Variants in GSTM5 observed in about 807,000 individuals in gnomAD.
The protein encoded by GSTM5 is glutathione S-transferase mu 5, also known as GST class-mu 5.
In GSTM5, 24 loss-of-function variants were observed where a neutral mutation model predicts 29.0. The ratio of observed to expected loss-of-function variants is 0.83; its 90% confidence interval spans 0.60 to 1.16. The LOEUF is 1.16. GSTM5 is among the 50% of genes most tolerant of loss of function. The probability of loss-of-function intolerance (pLI) is 0.00; values close to 1 mark genes in which losing one functional copy is unlikely to be tolerated. For missense variants in GSTM5, 290 were observed against 263.0 expected, an observed-to-expected ratio of 1.10 and a Z score of -0.71; for synonymous variants, 91 against 93.6, an observed-to-expected ratio of 0.97 and a Z score of 0.16.
upstream of GSTM5, among the ~76,000 whole-genome samples, chr1:109,712,073 T>C (rs1038514198): frequency 2.0e-5 from 3 of 152,144 alleles, no homozygotes; most frequent in African/African-American, 4.8e-5. Flanking sequence ...CGAGCCCCGC[T>C]TTGGGCTTCT....
chr1:109,716,215 T>A, intron 7 of GSTM5: 1 of 227,196 alleles, frequency 4.4e-6, no homozygotes. Context: ...TTTGGGGATT[T>A]GAGGCATTAG....
At chr1:109,712,773 GCCTCTGCAGGCCTC>G in intron 2 of GSTM5, 80 bp downstream of exon 2, 1 of 1,435,870 alleles carries the variant, frequency 7.0e-7, no homozygotes, top group East Asian at 2.3e-5. Flanking sequence ...ACCTGTGGCT[GCCTCTGCAGGCCTC>G]CCCTGCTGGA....
At chr1:109,712,497 G>C in intron 1 of GSTM5, 121 bp from the exon 2 acceptor site, 1 of 1,327,306 alleles carries the variant, frequency 7.5e-7, no homozygotes, top group Non-Finnish European at 1.1e-6. Context: ...TTTGGGGGTG[G>C]GGGCGGGTAG....
chr1:109,713,385 T>C lies in GSTM5; in HGVS notation c.178-99T>C, dbSNP rs112347797. 9.8e-5 allele frequency: 148 copies of C among 1,513,608 alleles called. No homozygotes were observed. In the African/African-American group the frequency reaches 1.8e-3, roughly 18 times the overall value. 93.8% of individuals were successfully genotyped at this position (1,513,608 alleles called of 1,614,324 possible). On this transcript the variant is annotated intron_variant, in intron 3 of 7. Coordinates refer to ENST00000256593, the MANE Select transcript of GSTM5 (RefSeq NM_000851.4). ...CAGTATTTCTATCTCAGGCCTGCCA[T>C]GAGCAGGCCCTGGTCTCCTCTCTGC...
Position 109,712,743 on chromosome 1 carries a change from C to T in GSTM5, c.112+50C>T, listed in dbSNP as rs780458889. 2.5e-6 allele frequency: 4 copies of T among 1,598,634 alleles called. No homozygotes were observed. In the South Asian group the frequency reaches 4.4e-5, roughly 18 times the overall value. ...CCTGCCCACTCACGCTGAGTTGGCACCAAGCAACCCATGGTGGCCACCTGT... is the reference window on the plus strand; with the variant it reads ...CCTGCCCACTCACGCTGAGTTGGCATCAAGCAACCCATGGTGGCCACCTGT... On this transcript the variant is annotated intron_variant, in intron 2 of 7. Transcript: ENST00000256593.
At chr1:109,714,880 C>T in intron 5 of GSTM5, 67 bp from the exon 6 acceptor site, 1 of 1,521,984 alleles carries the variant, frequency 6.6e-7, no homozygotes, top group East Asian at 2.2e-5. Context: ...CATCTACAGC[C>T]CTGGGGAGGC....
Position 109,717,419 on chromosome 1 carries a change from G to C in GSTM5, c.650G>C (p.Ser217Thr). ...LLFGKSATWN[S>T]K ...TTTGGAAAGTCAGCTACATGGAACA[G>C]CAAATAGGGCCCAGTGATGCCAGAA... Residue 217 changes from serine to threonine, a missense_variant, in exon 8 of 8, where the codon AGC becomes ACC. Transcript: ENST00000256593. The C allele has an allele frequency of 6.2e-7, 1 of 1,612,276 alleles. No individual in the cohort carries two copies. The highest frequency in any genetic ancestry group is 8.5e-7 in the Non-Finnish European group (1 of 1,178,370).
chr1:109,715,355 T>G, intron 7 of GSTM5, 115 bp downstream of exon 7: 1 of 1,603,652 alleles, frequency 6.2e-7, no homozygotes, highest in African/African-American at 1.3e-5. Flanking sequence ...GAGTACGGGC[T>G]TCATGCCAGG....
chr1:109,717,459 G>C lies in GSTM5; in HGVS notation c.*33G>C. ...TGATGCCAGAAGATGGGAGGGAGGA[G>C]CCAACCTTGCTGCCTGCGACCCTGG... On this transcript the variant is annotated 3_prime_UTR_variant, in exon 8 of 8. Transcript: ENST00000256593. The C allele has an allele frequency of 5.9e-4, 846 of 1,428,364 alleles. No homozygotes were observed. Among genetic ancestry groups the C allele is most frequent in the Non-Finnish European group, 7.7e-4 (776 of 1,010,696 alleles). 88.5% of individuals were successfully genotyped at this position (1,428,364 alleles called of 1,614,324 possible).
Position 109,712,305 on chromosome 1 carries a change from C to T in GSTM5, c.-8C>T, listed in dbSNP as rs773329136. 5 of 1,614,004 alleles carry T rather than the reference C, an allele frequency of 3.1e-6. No individual in the cohort carries two copies. The South Asian group carries it at 4.4e-5, about 14-fold the overall frequency. Reference sequence around the variant, plus strand: ...TGCCTGTCTGCAGAATCCGCACCAACCAGCACCATGCCCATGACTCTGGGG... The same window carrying T: ...TGCCTGTCTGCAGAATCCGCACCAATCAGCACCATGCCCATGACTCTGGGG... On this transcript the variant is annotated 5_prime_UTR_variant, in exon 1 of 8. Coordinates refer to ENST00000256593, the MANE Select transcript of GSTM5 (RefSeq NM_000851.4).
intron 1 of GSTM5, 111 bp downstream of exon 1, chr1:109,712,459 A>C: frequency 1.1e-6 from 1 of 887,862 alleles, no homozygotes. Flanking sequence ...CCGCCTCAGA[A>C]GGGCCTGTGC....
At position 109,714,997 on chromosome 1, in the gene GSTM5, C is replaced by T. The variant is rs752173949; in HGVS notation, c.411C>T (p.Leu137=). Residue 137 remains leucine (L), a synonymous_variant, in exon 6 of 8, where the codon CTC becomes CTT. Transcript: ENST00000256593. Reference sequence around the variant, plus strand: ...AGGAACTCCCTGAAAAGCTAAAGCTCTACTCAGAGTTTCTGGGGAAGCGGC... The same window carrying T: ...AGGAACTCCCTGAAAAGCTAAAGCTTTACTCAGAGTTTCTGGGGAAGCGGC... ...YLEELPEKLK[L]YSEFLGKRPW... 5.0e-6 allele frequency: 8 copies of T among 1,614,256 alleles called. No individual in the cohort carries two copies. Among genetic ancestry groups the T allele is most frequent in the Non-Finnish European group, 6.8e-6 (8 of 1,180,058 alleles).
chr1:109,713,600 G>A (rs779480058), intron 4 of GSTM5, 35 bp downstream of exon 4: 2 of 1,614,218 alleles, frequency 1.2e-6, no homozygotes, highest in Non-Finnish European at 8.5e-7. Flanking sequence ...CGGGGGGAAG[G>A]TGACCTCCTC....
Position 109,717,862 on chromosome 1 carries a change from CT to C in GSTM5, c.*437del, listed in dbSNP as rs1412944517. 1.2e-5 allele frequency: 2 copies of C among 164,564 alleles called. No homozygotes were observed. Among genetic ancestry groups the C allele is most frequent in the African/African-American group, 4.8e-5 (2 of 41,666 alleles). The allele number at this position is 164,564 out of a possible 1,614,324, so 10.2% of individuals were successfully genotyped here. A position where few individuals can be genotyped will look rare whatever the true frequency, so the allele number is the denominator to read the frequency against. On this transcript the variant is annotated 3_prime_UTR_variant, in exon 8 of 8. Coordinates refer to ENST00000256593, the MANE Select transcript of GSTM5 (RefSeq NM_000851.4). The stretch of plus-strand genomic sequence containing the variant: ...TGCCTGCCATGTCTTGTCTTATTCC[CT>C]GAGGCTCCCTTGACTCAGGACTGTG...
rs1329652510 is a variant in GSTM5 at position 109,718,241 on chromosome 1, C to A, written c.*815C>A. ...AGATATCCTTCGTCATGACACTTCT[C>A]AATAAAACGTATCCCACCGTATTGT... On this transcript the variant is annotated 3_prime_UTR_variant, in exon 8 of 8. Coordinates refer to ENST00000256593, the MANE Select transcript of GSTM5 (RefSeq NM_000851.4). 1 of 152,162 alleles carries A rather than the reference C, an allele frequency of 6.6e-6. No individual in the cohort carries two copies. The highest frequency in any genetic ancestry group is 2.4e-5 in the African/African-American group (1 of 41,426). 9.4% of individuals were successfully genotyped at this position (152,162 alleles called of 1,614,324 possible).
chr1:109,715,295 C>T, intron 7 of GSTM5, 55 bp downstream of exon 7: 1 of 1,614,066 alleles, frequency 6.2e-7, no homozygotes, highest in East Asian at 2.2e-5. Context: ...TCTCTCCTTT[C>T]AGATGCTTTC....
In GSTM5 at chr1:109,715,376, A is replaced by G; in HGVS notation, c.567+136A>G. ...GGGCTTCATGCCAGGAATCATGCCC[A>G]GCACATTATACCTATCGTGTAGAAT... On this transcript the variant is annotated intron_variant, in intron 7 of 7. Coordinates refer to ENST00000256593, the MANE Select transcript of GSTM5 (RefSeq NM_000851.4). The G allele has an allele frequency of 2.5e-6, 4 of 1,586,024 alleles. No homozygotes were observed. In the East Asian group the frequency reaches 6.9e-5, roughly 27 times the overall value.
At position 109,713,128 on chromosome 1, in the gene GSTM5, A is replaced by G. The variant is rs773389975; in HGVS notation, c.122A>G (p.Tyr41Cys). The change falls in exon 3 of 8, where the codon TAT becomes TGT. Residue 41 changes from tyrosine to cysteine, a missense_variant. By Grantham distance (194) the Tyr-to-Cys change is radical (BLOSUM62 -2). Coordinates refer to ENST00000256593, the MANE Select transcript of GSTM5 (RefSeq NM_000851.4). ...KKYTLGDAPD[Y>C]DRSQWLNEKF... ...TTCTTCCCCACCACAGCTCCTGACT[A>G]TGACAGAAGCCAGTGGCTGAATGAA... 1.9e-6 allele frequency: 3 copies of G among 1,612,462 alleles called. No homozygotes were observed. The highest frequency in any genetic ancestry group is 2.2e-5 in the East Asian group (1 of 44,896).
Position 109,713,668 on chromosome 1 carries a change from G to A in GSTM5, c.267G>A (p.Glu89=). 1.2e-6 allele frequency: 2 copies of A among 1,614,216 alleles called. No individual in the cohort carries two copies. Among genetic ancestry groups the A allele is most frequent in the Non-Finnish European group, 1.7e-6 (2 of 1,180,034 alleles). The change falls in exon 5 of 8, where the codon GAG becomes GAA. Residue 89 remains glutamate, a synonymous_variant. Transcript: ENST00000256593. ...YIARKHNLCG[E]TEEEKIRVDI... ...GTGTTTTGTGGGTGGCAGGTGGGGA[G>A]ACAGAAGAGGAGAAGATTCGTGTGG...
Sources: gnomAD v4.1 joint callset for allele counts (sites outside exome capture counted in the v4.1 genomes callset) on GRCh38, gnomAD v4.1.1 for gene constraint, MANE v1.5 for transcripts, NCBI Gene and HGNC (gene_info 2026-07-23, HGNC 2026-07-21) for gene names.